Variants in TLR6 observed in about 807,000 individuals in gnomAD.
TLR6 encodes toll like receptor 6, also known as toll-like receptor 6.
Under a neutral mutation model 16.1 loss-of-function variants are expected in TLR6, and 9 were observed. That is an observed-to-expected ratio of 0.56 (90% CI 0.34 to 0.98). TLR6 has a LOEUF of 0.98. TLR6 is among the 50% of genes least tolerant of loss of function. The pLI is 0.02. For missense variants in TLR6, 786 were observed against 921.0 expected, an observed-to-expected ratio of 0.85 and a Z score of 1.90; for synonymous variants, 340 against 338.6, an observed-to-expected ratio of 1.00 and a Z score of -0.04.
upstream of TLR6, among the ~76,000 whole-genome samples, chr4:38,859,180 C>G (rs1262339926): frequency 6.6e-6 from 1 of 152,214 alleles, no homozygotes; most frequent in Non-Finnish European, 1.5e-5. Flanking sequence ...AAGCATCATA[C>G]TATGCTGCCT....
intron 1 of TLR6, among the ~76,000 whole-genome samples, chr4:38,838,922 AGGGAG>A (rs376386488): frequency 1.8e-5 from 2 of 109,946 alleles, no homozygotes; most frequent in African/African-American, 3.7e-5. Flanking sequence ...GAAGGGAGGG[AGGGAG>A]GGAAGGAAGG....
chr4:38,864,470 A>T, the TLR6 span, among the ~76,000 whole-genome samples: 1 of 152,236 alleles, frequency 6.6e-6, no homozygotes, highest in African/African-American at 2.4e-5. Context: ...TTGTAGCATT[A>T]TATGTAATTG....
the TLR6 span, among the ~76,000 whole-genome samples, chr4:38,865,385 G>T: frequency 6.6e-6 from 1 of 152,154 alleles, no homozygotes; most frequent in Admixed American, 6.5e-5. Context: ...AATTTGCAGT[G>T]GGCAAAACAA....
intron 1 of TLR6, among the ~76,000 whole-genome samples, chr4:38,844,344 T>C (rs1164441488): frequency 6.6e-6 from 1 of 152,224 alleles, no homozygotes; most frequent in Non-Finnish European, 1.5e-5. Flanking sequence ...TACTTTATAC[T>C]GGTTATATGG....
exon 2 of TLR6, chr4:38,825,781 T>C (rs975684967): frequency 6.6e-6 from 1 of 152,190 alleles, no homozygotes; most frequent in African/African-American, 2.4e-5. Flanking sequence ...TACTCTTCCA[T>C]AGTCAAAGCC....
At chr4:38,864,378 G>A in the TLR6 span, among the ~76,000 whole-genome samples, 2 of 152,160 alleles carry the variant, frequency 1.3e-5, no homozygotes, top group Admixed American at 6.5e-5. Context: ...ATAATGAAGG[G>A]CGACTCAGCA....
upstream of TLR6, among the ~76,000 whole-genome samples, chr4:38,858,859 GAAAGAA>G (rs1262877353): frequency 3.9e-5 from 5 of 129,258 alleles, no homozygotes; most frequent in Non-Finnish European, 8.1e-5. Context: ...AAGAAAGAAA[GAAAGAA>G]AGAAAGAAAG....
intron 1 of TLR6, among the ~76,000 whole-genome samples, chr4:38,855,537 A>G (rs1712948108): frequency 6.6e-6 from 1 of 152,228 alleles, no homozygotes; most frequent in Admixed American, 6.5e-5. Flanking sequence ...ATATTAAAAT[A>G]TAAAGATGGA....
At chr4:38,835,525 G>A (rs6531671) in intron 1 of TLR6, among the ~76,000 whole-genome samples, 19,004 of 152,134 alleles carry the variant, frequency 0.12, 2,202 homozygotes, top group East Asian at 0.28. Context: ...TAATGGTTGG[G>A]AACTTCAACA....
At chr4:38,827,101 G>A in exon 2 of TLR6, 1 of 1,583,280 alleles carries the variant, frequency 6.3e-7, no homozygotes. Context: ...TCACATCATT[G>A]TTTTCAGTGA....
chr4:38,823,306 C>A (rs187299842), downstream of TLR6, among the ~76,000 whole-genome samples: 17 of 152,340 alleles, frequency 1.1e-4, no homozygotes, highest in Admixed American at 1.1e-3. Context: ...GTGTTACAAT[C>A]ACCTAGAAGC....
intron 1 of TLR6, among the ~76,000 whole-genome samples, chr4:38,829,912 C>A (rs1273531758): frequency 6.6e-6 from 1 of 152,166 alleles, no homozygotes; most frequent in Non-Finnish European, 1.5e-5. Context: ...TGAGCAAGGG[C>A]TAACAGAGGG....
chr4:38,834,074 A>AAAAAATTAC (rs1193322142), intron 1 of TLR6, among the ~76,000 whole-genome samples: 1 of 150,986 alleles, frequency 6.6e-6, no homozygotes, highest in Non-Finnish European at 1.5e-5. Context: ...TAAAAAAAAA[A>AAAAAATTAC]AAAAATTACA....
At chr4:38,858,772 AGAGG>A (rs1560274487), upstream of TLR6, among the ~76,000 whole-genome samples, 1 of 60,642 alleles carries the variant, frequency 1.6e-5, no homozygotes, top group Non-Finnish European at 2.7e-5. Context: ...AGAGAGAGAG[AGAGG>A]GAGAGAGAGA....
rs1239790003 is a variant in TLR6, at chr4:38,828,422, G to T, written c.1052C>A (p.Ala351Glu). Reference sequence around the variant, plus strand: ...GTTCAAAAACTTGAATGTGCTTGGTGCATGAGGACACAGCATGTGTATAAA... The same window carrying T: ...GTTCAAAAACTTGAATGTGCTTGGTTCATGAGGACACAGCATGTGTATAAA... Residue 351 changes from alanine (A) to glutamate (E), a missense_variant, in exon 2 of 2, where the codon GCA (alanine) becomes GAA (glutamate). By Grantham distance (107) the Ala-to-Glu change is moderately radical. Transcript: ENST00000436693. 3 of 1,614,068 alleles carry T rather than the reference G, an allele frequency of 1.9e-6. No homozygotes were observed. The South Asian group carries it at 3.3e-5, about 18-fold the overall frequency.
At chr4:38,858,382 A>G (rs922803347), upstream of TLR6, among the ~76,000 whole-genome samples, 2 of 152,196 alleles carry the variant, frequency 1.3e-5, no homozygotes, top group African/African-American at 4.8e-5. Context: ...GTTTTTTTGT[A>G]TGCTGAGGGG....
chr4:38,841,941 CAAAT>C (rs1235833906), intron 1 of TLR6, among the ~76,000 whole-genome samples: 1 of 152,118 alleles, frequency 6.6e-6, no homozygotes, highest in Non-Finnish European at 1.5e-5. Flanking sequence ...ATATGTTTCT[CAAAT>C]AAATCGCCTT....
At chr4:38,848,493 G>A (rs960153863) in intron 1 of TLR6, among the ~76,000 whole-genome samples, 13 of 152,226 alleles carry the variant, frequency 8.5e-5, no homozygotes, top group South Asian at 4.1e-4. Flanking sequence ...ACTAAAGGAG[G>A]AAGTTCGAAC....
At chr4:38,856,522 C>T (rs919925154) in intron 1 of TLR6, among the ~76,000 whole-genome samples, 3 of 152,192 alleles carry the variant, frequency 2.0e-5, no homozygotes, top group African/African-American at 7.2e-5. Flanking sequence ...CCTTAATTAT[C>T]ACCACAAGCG....
Sources: allele counts gnomAD v4.1 joint callset (sites outside exome capture counted in the v4.1 genomes callset), GRCh38; gene constraint gnomAD v4.1.1; transcripts MANE v1.5; gene names NCBI Gene and HGNC (gene_info 2026-07-23, HGNC 2026-07-21).